REXO4: variants seen among roughly 807,000 people sequenced by gnomAD.
REXO4 encodes REX4 homolog, 3'-5' exonuclease.
A neutral mutation model predicts 39.9 loss-of-function variants in REXO4; 29 were observed. That is an observed-to-expected ratio of 0.73 (90% CI 0.54 to 0.99). The LOEUF (loss-of-function observed/expected upper bound fraction) is 0.99. Ranked by LOEUF, REXO4 falls within the 50% of genes least tolerant of loss-of-function variation. REXO4 has a pLI of 0.00. For missense variants in REXO4, 524 were observed against 546.5 expected, an observed-to-expected ratio of 0.96 and a Z score of 0.41; for synonymous variants, 184 against 206.2, an observed-to-expected ratio of 0.89 and a Z score of 0.92.
chr9:133,415,530 A>G (rs1159381981), intron 1 of REXO4: 1 of 154,786 alleles, frequency 6.5e-6, no homozygotes, highest in Non-Finnish European at 1.4e-5. Context: ...AAGAACTGCT[A>G]GCAGCCACAC....
At chr9:133,411,280 G>C (rs1839199107) in intron 4 of REXO4, among the ~76,000 whole-genome samples, 2 of 152,352 alleles carry the variant, frequency 1.3e-5, no homozygotes, top group South Asian at 4.1e-4. Context: ...GTGGCTGCGA[G>C]AACCACCTCT....
At chr9:133,411,331 G>A (rs1378812848) in intron 4 of REXO4, among the ~76,000 whole-genome samples, 2 of 152,258 alleles carry the variant, frequency 1.3e-5, no homozygotes, top group East Asian at 1.9e-4. Context: ...TGCAAAGTCG[G>A]CTCATGGCTG....
intron 1 of REXO4, among the ~76,000 whole-genome samples, chr9:133,415,474 G>A (rs988997954): frequency 6.6e-6 from 1 of 150,448 alleles, no homozygotes; most frequent in African/African-American, 2.5e-5. Context: ...GAAGGTGGGG[G>A]GTGTCATAAA....
chr9:133,410,910 C>T, intron 5 of REXO4, 75 bp downstream of exon 5: 1 of 1,109,534 alleles, frequency 9.0e-7, no homozygotes. Flanking sequence ...GTTAAAACTC[C>T]CCAACACAGC....
chr9:133,410,262 C>T (rs782030870), intron 5 of REXO4, among the ~76,000 whole-genome samples: 24 of 152,184 alleles, frequency 1.6e-4, no homozygotes, highest in Non-Finnish European at 2.8e-4. Flanking sequence ...ACTGGCCTCC[C>T]CGCTGTTCCC....
At chr9:133,414,294 C>T in intron 2 of REXO4, 1 of 439,816 alleles carries the variant, frequency 2.3e-6, no homozygotes, top group Non-Finnish European at 4.5e-6. Context: ...CTCACAATCT[C>T]CTTATGATGC....
intron 1 of REXO4, among the ~76,000 whole-genome samples, chr9:133,416,644 G>C (rs1554781638): frequency 1.3e-5 from 2 of 152,192 alleles, no homozygotes; most frequent in African/African-American, 4.8e-5. Flanking sequence ...GGAGAGAGCA[G>C]GCAACCTCTA....
At chr9:133,407,104 G>A (rs782108503) in intron 7 of REXO4, 32 bp from the exon 8 acceptor site, 12 of 1,610,022 alleles carry the variant, frequency 7.5e-6, no homozygotes, top group Admixed American at 3.3e-5. Context: ...AGCAGGTGAC[G>A]AGGCATAGCC....
In REXO4 at chr9:133,406,764, AG is replaced by A; in HGVS notation, c.*188del. 1 of 825,706 alleles carries A rather than the reference AG, an allele frequency of 1.2e-6. No individual in the cohort carries two copies. The highest frequency in any genetic ancestry group is 1.9e-6 in the Non-Finnish European group (1 of 536,584). 51.1% of individuals were successfully genotyped at this position (825,706 alleles called of 1,614,324 possible). A position where few individuals can be genotyped will look rare whatever the true frequency, so the allele number is the denominator to read the frequency against. The stretch of plus-strand genomic sequence containing the variant: ...CATCCGGGCCCAAACACACATGGAC[AG>A]TAAGACCAGGTTTCAGACCACAAAG... On this transcript the variant is annotated 3_prime_UTR_variant, in exon 8 of 8. Coordinates refer to ENST00000371942, the MANE Select transcript of REXO4 (RefSeq NM_020385.4).
chr9:133,413,401 C>T (rs1395165843), intron 2 of REXO4, among the ~76,000 whole-genome samples: 1 of 152,162 alleles, frequency 6.6e-6, no homozygotes, highest in Non-Finnish European at 1.5e-5. Flanking sequence ...AGCACCTGGC[C>T]TCATCTCTTT....
At position 133,407,043 on chromosome 9, in the gene REXO4, C is replaced by G. The variant is rs782649445; in HGVS notation, c.1179G>C (p.Leu393=). 9.3e-6 allele frequency: 15 copies of G among 1,613,356 alleles called. No individual in the cohort carries two copies. The highest frequency in any genetic ancestry group is 1.2e-5 in the Non-Finnish European group (14 of 1,180,024). Reference sequence around the variant, plus strand: ...CCCACTCCTTCTTCACCATGACGTACAGCCTCATTGCTGCCTGGGCATCCT... The same window carrying G: ...CCCACTCCTTCTTCACCATGACGTAGAGCCTCATTGCTGCCTGGGCATCCT... ...SIQDAQAAMR[L]YVMVKKEWES... The change falls in exon 8 of 8, where the codon CTG becomes CTC. Residue 393 remains leucine (L), a synonymous_variant. Coordinates refer to ENST00000371942, the MANE Select transcript of REXO4 (RefSeq NM_020385.4).
Position 133,414,854 on chromosome 9 carries a change from C to A in REXO4, c.383G>T (p.Ser128Ile), listed in dbSNP as rs1554781211. ...EMPAGKDQEA[S>I]RGSVPSGSKM... ...GGAACCTGAAGGAACAGAGCCCCTG[C>A]TGGCCTCCTGGTCTTTTCCTGCCGG... is the stretch of plus-strand genomic sequence containing the variant. The change falls in exon 2 of 8, where the codon AGC (serine) becomes ATC (isoleucine). Residue 128 changes from serine (S) to isoleucine (I), a missense_variant. By Grantham distance (142) the Ser-to-Ile change is moderately radical. Transcript: ENST00000371942. 15 of 1,614,180 alleles carry A rather than the reference C, an allele frequency of 9.3e-6. No homozygotes were observed. Among genetic ancestry groups the A allele is most frequent in the African/African-American group, 1.3e-5 (1 of 75,038 alleles).
At chr9:133,417,565 G>A in intron 1 of REXO4, 55 bp downstream of exon 1, 4 of 1,563,876 alleles carry the variant, frequency 2.6e-6, no homozygotes, top group Middle Eastern at 1.7e-4. Flanking sequence ...TCCCTCCGTC[G>A]CGTTCTGCGG....
chr9:133,413,303 T>A (rs782647135), intron 2 of REXO4, among the ~76,000 whole-genome samples: 4 of 152,162 alleles, frequency 2.6e-5, no homozygotes, highest in Non-Finnish European at 5.9e-5. Flanking sequence ...GGTTTCGTCA[T>A]GTTGGCCAGG....
At chr9:133,410,697 T>C (rs1839164947) in intron 5 of REXO4, among the ~76,000 whole-genome samples, 1 of 152,182 alleles carries the variant, frequency 6.6e-6, no homozygotes, top group Non-Finnish European at 1.5e-5. Flanking sequence ...ACATTAGGCC[T>C]TCCTCCAGGT....
chr9:133,411,209 C>T (rs1374206178), intron 4 of REXO4, 136 bp from the exon 5 acceptor site: 1 of 724,992 alleles, frequency 1.4e-6, no homozygotes, highest in Non-Finnish European at 2.4e-6. Context: ...CGGAGGGTGA[C>T]TCGAAGCCAC....
rs782384052 is a variant in REXO4 at position 133,417,597 on chromosome 9, GCCCGGGC to G, written c.225+16_225+22del. On this transcript the variant is annotated intron_variant, in intron 1 of 7. Coordinates refer to ENST00000371942, the MANE Select transcript of REXO4 (RefSeq NM_020385.4). ...GCGGGAATGAGCTGCGCAGCGCTCCGCCCGGGCCCCCTCAAGCCTCACCTCTTGCAGC... is the reference window on the plus strand; with the variant it reads ...GCGGGAATGAGCTGCGCAGCGCTCCGCCCCTCAAGCCTCACCTCTTGCAGC... 6.2e-7 allele frequency: 1 copy of G among 1,608,830 alleles called. No homozygotes were observed. The highest frequency in any genetic ancestry group is 1.3e-5 in the African/African-American group (1 of 74,926).
At chr9:133,411,125 A>C in intron 4 of REXO4, 52 bp from the exon 5 acceptor site, 1 of 1,464,704 alleles carries the variant, frequency 6.8e-7, no homozygotes, top group Non-Finnish European at 9.6e-7. Context: ...CATCACCATC[A>C]TTCTGTGAGG....
At chr9:133,411,787 G>C (rs1353301261) in intron 4 of REXO4, among the ~76,000 whole-genome samples, 3 of 151,942 alleles carry the variant, frequency 2.0e-5, no homozygotes, top group Non-Finnish European at 4.4e-5. Flanking sequence ...TTAGTCGGGT[G>C]TGGTGGCATA....
Sources: gnomAD v4.1 joint callset for allele counts (sites outside exome capture counted in the v4.1 genomes callset) on GRCh38, gnomAD v4.1.1 for gene constraint, MANE v1.5 for transcripts, NCBI Gene and HGNC (gene_info 2026-07-23, HGNC 2026-07-21) for gene names.